METTL22: variants seen among roughly 807,000 people sequenced by gnomAD.
METTL22 encodes methyltransferase-like protein 22.
METTL22 carries 51 observed loss-of-function variants against 48.4 expected under a neutral mutation model. That is an observed-to-expected ratio of 1.05 (90% CI 0.84 to 1.33). The LOEUF (loss-of-function observed/expected upper bound fraction) is 1.33, where lower values mean the gene tolerates loss of function less well. Ranked by LOEUF, METTL22 falls within the 40% of genes most tolerant of loss-of-function variation. METTL22 has a pLI of 0.00. For synonymous variants in METTL22, 255 were observed against 214.1 expected, an observed-to-expected ratio of 1.19 and a Z score of -1.67; for missense variants, 678 against 526.9, an observed-to-expected ratio of 1.29 and a Z score of -2.81.
intron 3 of METTL22, among the ~76,000 whole-genome samples, chr16:8,632,628 A>AGTG (rs2056302367): frequency 6.6e-6 from 1 of 152,076 alleles, no homozygotes; most frequent in Non-Finnish European, 1.5e-5. Context: ...TGACCACCTC[A>AGTG]ATGGTTCTCA....
At position 8,642,118 on chromosome 16, in the gene METTL22, C is replaced by CT. The variant is rs779505979; in HGVS notation, c.827-6dup. The CT allele has an allele frequency of 1.2e-6, 2 of 1,609,410 alleles. No homozygotes were observed. The highest frequency in any genetic ancestry group is 1.7e-6 in the Non-Finnish European group (2 of 1,175,652). On this transcript the variant is annotated splice_polypyrimidine_tract_variant and intron_variant, in intron 7 of 10. Transcript: ENST00000381920. ...AATGGGCACAAAGTGTGCTTTTGTT[C>CT]TTTCTTAGATCCCAAGGTCCCCTTC...
chr16:8,653,280 C>G (rs2056924743), downstream of METTL22, among the ~76,000 whole-genome samples: 1 of 152,176 alleles, frequency 6.6e-6, no homozygotes, highest in African/African-American at 2.4e-5. Context: ...TCACAAGGGA[C>G]AACGCTAAGT....
At chr16:8,649,755 G>A (rs944959486), downstream of METTL22, 4 of 152,288 alleles carry the variant, frequency 2.6e-5, no homozygotes, top group African/African-American at 4.8e-5. Flanking sequence ...AGTGAGCCAA[G>A]ACTGCGCCAT....
At chr16:8,651,234 A>G (rs537340510), downstream of METTL22, among the ~76,000 whole-genome samples, 1,066 of 151,538 alleles carry the variant, frequency 7.0e-3, 13 homozygotes, top group African/African-American at 0.025. Context: ...AAAAATACAA[A>G]AAATTAGCCA....
chr16:8,642,239 C>CG (rs1200129207), intron 8 of METTL22, 32 bp downstream of exon 8: 5 of 1,573,354 alleles, frequency 3.2e-6, no homozygotes, highest in Middle Eastern at 1.7e-4. Context: ...CGTACACGTC[C>CG]TTTGTTGTAG....
intron 1 of METTL22, 114 bp downstream of exon 1, chr16:8,621,889 C>G (rs948940475): frequency 7.2e-5 from 11 of 152,392 alleles, no homozygotes; most frequent in Admixed American, 4.6e-4. Flanking sequence ...CCCTAAGGCC[C>G]GACCCCACTC....
chr16:8,641,080 T>C (rs1219501986), intron 6 of METTL22, 51 bp from the exon 7 acceptor site: 3 of 1,557,880 alleles, frequency 1.9e-6, no homozygotes, highest in Non-Finnish European at 2.7e-6. Context: ...TATCTTTTTT[T>C]CCTGATGATG....
intron 2 of METTL22, among the ~76,000 whole-genome samples, chr16:8,628,073 T>C (rs79034476): frequency 0.017 from 2,594 of 152,276 alleles, 73 homozygotes; most frequent in African/African-American, 0.059. Flanking sequence ...ACAGGAAAAG[T>C]TTGCTCACCC....
chr16:8,654,963 G>A, the METTL22 span, among the ~76,000 whole-genome samples: 1 of 152,146 alleles, frequency 6.6e-6, no homozygotes, highest in Non-Finnish European at 1.5e-5. Flanking sequence ...CAAACTGAAG[G>A]TGGACATAAA....
At chr16:8,624,856 C>T (rs973629131) in intron 1 of METTL22, among the ~76,000 whole-genome samples, 5 of 152,032 alleles carry the variant, frequency 3.3e-5, no homozygotes, top group African/African-American at 1.2e-4. Flanking sequence ...AAGCCCCTGT[C>T]TGTAAAAAGA....
rs187706481 is a variant in METTL22 at position 8,624,046 on chromosome 16, C to G, written c.-170-1450C>G. 4.6e-5 allele frequency: 7 copies of G among 152,340 alleles called. No individual in the cohort carries two copies. The East Asian group carries it at 1.3e-3, about 29-fold the overall frequency. 9.4% of individuals were successfully genotyped at this position (152,340 alleles called of 1,614,324 possible). A position where few individuals can be genotyped will look rare whatever the true frequency, so the allele number is the denominator to read the frequency against. Reference sequence around the variant, plus strand: ...TCAGCAGTTTACCCACCCAGTAACACTGCGTGAGATTGTGGCTGAAGAAAC... The same window carrying G: ...TCAGCAGTTTACCCACCCAGTAACAGTGCGTGAGATTGTGGCTGAAGAAAC... On this transcript the variant is annotated intron_variant, in intron 1 of 10. Coordinates refer to ENST00000381920, the MANE Select transcript of METTL22 (RefSeq NM_024109.4).
downstream of METTL22, among the ~76,000 whole-genome samples, chr16:8,652,688 A>AAAAT (rs34206993): frequency 6.0e-5 from 9 of 149,828 alleles, no homozygotes; most frequent in Non-Finnish European, 1.3e-4. Context: ...TAAAAAAAAA[A>AAAAT]TTTTTTTAAT....
At chr16:8,658,512 G>T in the METTL22 span, among the ~76,000 whole-genome samples, 1 of 152,200 alleles carries the variant, frequency 6.6e-6, no homozygotes, top group Non-Finnish European at 1.5e-5. Context: ...CAATCTCAAA[G>T]ATCTTGGCTG....
At chr16:8,633,191 T>A (rs2056318777) in intron 3 of METTL22, among the ~76,000 whole-genome samples, 1 of 152,096 alleles carries the variant, frequency 6.6e-6, no homozygotes, top group African/African-American at 2.4e-5. Flanking sequence ...ACACAAGCCT[T>A]CAGCCTGCCC....
intron 7 of METTL22, 200 bp downstream of exon 7, chr16:8,641,384 C>G (rs1378414190): frequency 4.4e-6 from 3 of 681,190 alleles, no homozygotes; most frequent in East Asian, 5.6e-5. Flanking sequence ...GGGCACCTCA[C>G]GTTCATTTTC....
chr16:8,624,087 A>T (rs2055955918), intron 1 of METTL22: 1 of 152,238 alleles, frequency 6.6e-6, no homozygotes, highest in African/African-American at 2.4e-5. Context: ...CAGAGAGGCG[A>T]AGTGATTTTC....
chr16:8,644,557 G>T lies in METTL22; in HGVS notation c.1011G>T (p.Arg337Ser). Residue 337 changes from arginine to serine, a missense_variant and splice_region_variant, in exon 10 of 11, where the codon AGG (arginine) becomes AGT (serine). Arg to Ser is a moderately radical substitution (Grantham distance 110). Transcript: ENST00000381920. ...GTGCGTCCGACTGGCTGGTTTGCAG[G>T]CTCAACTTCACATTGAGACACTTGG... The part of the protein sequence containing the change: ...ACTAILSVEK[R>S]LNFTLRHLDV... The T allele has an allele frequency of 6.5e-7, 1 of 1,541,026 alleles. No homozygotes were observed. The highest frequency in any genetic ancestry group is 8.8e-7 in the Non-Finnish European group (1 of 1,140,078).
chr16:8,641,750 C>T (rs757686574), intron 7 of METTL22: 1 of 408,826 alleles, frequency 2.4e-6, no homozygotes. Flanking sequence ...TCCCAATAGT[C>T]CTGTGAGGAA....
the METTL22 span, among the ~76,000 whole-genome samples, chr16:8,660,110 T>G: frequency 2.5e-4 from 2 of 8,060 alleles, no homozygotes; most frequent in African/African-American, 3.5e-4. Context: ...GGTACAGTGA[T>G]TTTTGCCCTG....
Sources: gnomAD v4.1 joint callset for allele counts (sites outside exome capture counted in the v4.1 genomes callset) on GRCh38, gnomAD v4.1.1 for gene constraint, MANE v1.5 for transcripts, NCBI Gene and HGNC (gene_info 2026-07-23, HGNC 2026-07-21) for gene names.